MATN2: variants seen among roughly 807,000 people sequenced by gnomAD.
The protein encoded by MATN2 is matrilin-2.
In MATN2, 69 loss-of-function variants were observed where a neutral mutation model predicts 103.2. The observed-to-expected ratio is 0.67, with a 90% CI of 0.55 to 0.82. MATN2 has a LOEUF of 0.82. Among genes scored for constraint, MATN2 ranks in the 40% least tolerant of loss-of-function variants. MATN2 has a pLI of 0.00. For missense variants in MATN2, 1,023 were observed against 1,211.5 expected (o/e 0.84, Z 2.31); for synonymous variants, 429 against 450.2 (o/e 0.95, Z 0.60).
intron 17 of MATN2, 73 bp from the exon 18 acceptor site, chr8:98,033,488 T>G: frequency 1.3e-6 from 1 of 789,426 alleles, no homozygotes; most frequent in Non-Finnish European, 2.0e-6. Flanking sequence ...CATATGCTGA[T>G]TCATTCCTAT....
At chr8:97,880,665 C>A (rs1270478152) in intron 1 of MATN2, among the ~76,000 whole-genome samples, 2 of 152,210 alleles carry the variant, frequency 1.3e-5, no homozygotes, top group Non-Finnish European at 2.9e-5. Flanking sequence ...TTGTTCAGGG[C>A]TCAGTCCTTT....
At chr8:97,872,351 G>A (rs1429766049) in intron 1 of MATN2, among the ~76,000 whole-genome samples, 8 of 152,182 alleles carry the variant, frequency 5.3e-5, no homozygotes, top group African/African-American at 1.9e-4. Context: ...ACTGTCAGAG[G>A]AACCTTTATC....
chr8:97,943,992 T>A (rs1475783701), intron 4 of MATN2, among the ~76,000 whole-genome samples: 2 of 152,112 alleles, frequency 1.3e-5, no homozygotes, highest in African/African-American at 4.8e-5. Flanking sequence ...GGCCCTGATG[T>A]CCCCCAGATC....
chr8:97,893,206 G>A (rs575331619), intron 2 of MATN2, among the ~76,000 whole-genome samples: 7 of 152,266 alleles, frequency 4.6e-5, no homozygotes, highest in Admixed American at 3.9e-4. Flanking sequence ...ACAGGAGAAG[G>A]AACGAGCACC....
intron 2 of MATN2, among the ~76,000 whole-genome samples, chr8:97,913,847 T>C (rs1468347186): frequency 6.6e-6 from 1 of 152,216 alleles, no homozygotes. Context: ...ACTCCTGACC[T>C]CAGCCGATCC....
chr8:97,980,942 G>T (rs1470069685), intron 6 of MATN2, among the ~76,000 whole-genome samples: 6 of 152,222 alleles, frequency 3.9e-5, no homozygotes, highest in African/African-American at 1.4e-4. Flanking sequence ...TTTGGGAAGA[G>T]AAGCAGGAGG....
At chr8:97,945,718 AT>A (rs1446282294) in intron 4 of MATN2, among the ~76,000 whole-genome samples, 1,650 of 11,806 alleles carry the variant, frequency 0.14, 34 homozygotes, top group African/African-American at 0.3. Flanking sequence ...AAAAAAAAAA[AT>A]ATATATATAT....
chr8:97,915,945 TAGTG>T (rs1280119235), intron 2 of MATN2, among the ~76,000 whole-genome samples: 2 of 152,122 alleles, frequency 1.3e-5, no homozygotes, highest in African/African-American at 4.8e-5. Context: ...GGAAGAAAGA[TAGTG>T]AGGGGGTTTG....
At chr8:98,006,884 AG>A (rs973775704) in intron 8 of MATN2, among the ~76,000 whole-genome samples, 1 of 152,162 alleles carries the variant, frequency 6.6e-6, no homozygotes, top group Non-Finnish European at 1.5e-5. Context: ...CAGGAGGTGG[AG>A]GTTGCAGTGA....
rs748944822 is a variant in MATN2 at position 98,033,583 on chromosome 8, C to A, written c.2739C>A (p.His913Gln). The change falls in exon 18 of 19, where the codon CAC becomes CAA. Residue 913 changes from histidine to glutamine, a missense_variant. His to Gln is a conservative substitution (Grantham distance 24). Coordinates refer to ENST00000254898, the MANE Select transcript of MATN2 (RefSeq NM_002380.5). ...KPSGSPLEEK[H>Q]DQCKCENLIM... Reference sequence around the variant, plus strand: ...CAGGAAGCCCTTTGGAAGAAAAACACGATCAATGCAAATGTGAAAACCTTA... The same window carrying A: ...CAGGAAGCCCTTTGGAAGAAAAACAAGATCAATGCAAATGTGAAAACCTTA... 4 of 1,596,878 alleles carry A rather than the reference C, an allele frequency of 2.5e-6. No homozygotes were observed. The South Asian group carries it at 3.5e-5, about 14-fold the overall frequency.
At chr8:98,020,795 C>T (rs990320321) in intron 12 of MATN2, among the ~76,000 whole-genome samples, 2 of 152,156 alleles carry the variant, frequency 1.3e-5, no homozygotes, top group African/African-American at 2.4e-5. Context: ...AATAATTATC[C>T]CTGTCTTCCT....
intron 6 of MATN2, among the ~76,000 whole-genome samples, chr8:97,992,890 A>T (rs2924821): frequency 6.6e-6 from 1 of 151,014 alleles, no homozygotes; most frequent in Non-Finnish European, 1.5e-5. Flanking sequence ...ATTGCGCTTC[A>T]GCCTGGGCGA....
At chr8:97,942,588 C>G (rs542961550) in intron 4 of MATN2, among the ~76,000 whole-genome samples, 1 of 152,264 alleles carries the variant, frequency 6.6e-6, no homozygotes, top group East Asian at 1.9e-4. Context: ...ACTGAGTTAA[C>G]CTACAGATGA....
chr8:97,912,276 C>T (rs566500538), intron 2 of MATN2, among the ~76,000 whole-genome samples: 1 of 152,284 alleles, frequency 6.6e-6, no homozygotes, highest in South Asian at 2.1e-4. Flanking sequence ...TGATCATCTA[C>T]AAGAAAGACT....
rs541730439 is a variant in MATN2, at chr8:97,937,708, C to T, written c.713-4069C>T. On this transcript the variant is annotated intron_variant, in intron 3 of 18. Coordinates refer to ENST00000254898, the MANE Select transcript of MATN2 (RefSeq NM_002380.5). ...GTTTCAAGCAATTCTCCTGCCTCAG[C>T]CTCCCAAGTAGCTGAGCCCACCACC... 2.6e-5 allele frequency among the ~76,000 whole-genome samples: 4 copies of T among 151,400 alleles called. No homozygotes were observed. The East Asian group carries it at 7.8e-4, about 30-fold the overall frequency.
chr8:97,962,284 A>G (rs1811340920), intron 5 of MATN2, among the ~76,000 whole-genome samples: 1 of 152,242 alleles, frequency 6.6e-6, no homozygotes, highest in Non-Finnish European at 1.5e-5. Context: ...ACTGGAATGT[A>G]AATTTTCTGC....
At chr8:98,032,194 ACACATGCCTGTGGACAACCATCACT>A in intron 15 of MATN2, 27 bp from the exon 16 acceptor site, 1 of 1,458,506 alleles carries the variant, frequency 6.9e-7, no homozygotes, top group East Asian at 2.4e-5. Context: ...TGAAGAACAC[ACACATGCCTGTGGACAACCATCACT>A]TCTTTTGGTC....
At chr8:98,019,763 C>T (rs1192969473) in intron 12 of MATN2, among the ~76,000 whole-genome samples, 1 of 152,116 alleles carries the variant, frequency 6.6e-6, no homozygotes, top group Non-Finnish European at 1.5e-5. Context: ...AGTCTACTTG[C>T]TTTTGTGACA....
chr8:97,869,852 G>C (rs1291276296), intron 1 of MATN2, among the ~76,000 whole-genome samples: 1 of 152,162 alleles, frequency 6.6e-6, no homozygotes, highest in Non-Finnish European at 1.5e-5. Context: ...ATTTGGAGCC[G>C]TTTGGGGAGA....
Sources: allele counts gnomAD v4.1 joint callset (sites outside exome capture counted in the v4.1 genomes callset), GRCh38; gene constraint gnomAD v4.1.1; transcripts MANE v1.5; gene names NCBI Gene and HGNC (gene_info 2026-07-23, HGNC 2026-07-21).